The following C2CD5 variants were observed in gnomAD, a reference collection of about 807,000 sequenced individuals.
C2CD5 encodes the protein C2 calcium dependent domain containing 5, also known as C2 domain-containing protein 5.
A neutral mutation model predicts 130.3 loss-of-function variants in C2CD5; 109 were observed. That is an observed-to-expected ratio of 0.84 (90% CI 0.72 to 0.98). The LOEUF (loss-of-function observed/expected upper bound fraction) is 0.98, where lower values mean the gene tolerates loss of function less well. Ranked by LOEUF, C2CD5 falls within the 50% of genes least tolerant of loss-of-function variation. C2CD5 has a pLI of 0.00. For synonymous variants in C2CD5, 454 were observed against 429.2 expected (o/e 1.06, Z -0.71); for missense variants, 996 against 1,261.8 (o/e 0.79, Z 3.19).
intron 2 of C2CD5, 102 bp downstream of exon 2, chr12:22,543,959 C>T: frequency 1.2e-6 from 1 of 840,240 alleles, no homozygotes. Context: ...GAAGGGAGGG[C>T]AGTCGAGGGG....
Position 22,461,860 on chromosome 12 carries a change from C to A in C2CD5, c.2534-2318G>T, listed in dbSNP as rs755732254. Among the ~76,000 whole-genome samples, 31 of 152,190 alleles carry A rather than the reference C, an allele frequency of 2.0e-4. No homozygotes were observed. In the East Asian group the frequency reaches 4.6e-3, roughly 23 times the overall value. ...GATTTTTGATTTCACTTAGGGAGAG[C>A]AGGTTCATCTTTTAACATGCTTGCT... On this transcript the variant is annotated intron_variant, in intron 22 of 26. Transcript: ENST00000446597.
rs779983365 is a variant in C2CD5, at chr12:22,506,770, T to C, written c.1088A>G (p.His363Arg). The change falls in exon 10 of 27, where the codon CAC becomes CGC. Residue 363 changes from histidine to arginine, a missense_variant. Around this residue, in one of 9 missense-constraint regions of C2CD5, gnomAD observed 156 missense variants for 165.9 expected, o/e 0.94. Coordinates refer to ENST00000446597, the MANE Select transcript of C2CD5 (RefSeq NM_001286176.2). Reference sequence around the variant, plus strand: ...ACGTGCACTAACTACACCCCCAACGTGTACAAGGAATCCAGGAGGAAATGC... The same window carrying C: ...ACGTGCACTAACTACACCCCCAACGCGTACAAGGAATCCAGGAGGAAATGC... ...LTAFPPGFLVHVGGVVSARSV... is the reference protein window; with the variant it reads ...LTAFPPGFLVRVGGVVSARSV... The C allele has an allele frequency of 9.3e-6, 15 of 1,612,666 alleles. No homozygotes were observed. In the Admixed American group the frequency reaches 2.5e-4, roughly 27 times the overall value.
intron 4 of C2CD5, among the ~76,000 whole-genome samples, chr12:22,526,837 TA>T: frequency 6.6e-6 from 1 of 152,336 alleles, no homozygotes; most frequent in East Asian, 1.9e-4. Context: ...AATTCATACT[TA>T]TGGTGGAAGA....
chr12:22,472,093 T>C (rs878994072), intron 18 of C2CD5, 28 bp from the exon 19 acceptor site: 1 of 1,226,378 alleles, frequency 8.2e-7, no homozygotes, highest in South Asian at 1.3e-5. Flanking sequence ...TAACATGTCA[T>C]TTTATTATTT....
intron 16 of C2CD5, among the ~76,000 whole-genome samples, chr12:22,474,123 A>T (rs542921438): frequency 4.6e-5 from 7 of 152,208 alleles, no homozygotes; most frequent in Non-Finnish European, 1.0e-4. Context: ...TCTCTCTCTC[A>T]ACTTACATCT....
At chr12:22,487,342 C>G (rs1188222911) in intron 12 of C2CD5, among the ~76,000 whole-genome samples, 2 of 151,330 alleles carry the variant, frequency 1.3e-5, no homozygotes, top group African/African-American at 4.9e-5. Flanking sequence ...CTACAATGAA[C>G]TCAAACAAAT....
chr12:22,500,598 A>G (rs959659177), intron 10 of C2CD5, among the ~76,000 whole-genome samples: 4 of 152,164 alleles, frequency 2.6e-5, no homozygotes, highest in Non-Finnish European at 5.9e-5. Flanking sequence ...TCTATCCTCC[A>G]AGAATATGAG....
chr12:22,512,581 C>T lies in C2CD5; in HGVS notation c.1038+713G>A, dbSNP rs997539539. On this transcript the variant is annotated intron_variant, in intron 9 of 26. Transcript: ENST00000446597. Reference sequence around the variant, plus strand: ...CTAAGATTAAATAAAATTTAAATGACCAAGATTAAAACTAGAAAGCTATCA... The same window carrying T: ...CTAAGATTAAATAAAATTTAAATGATCAAGATTAAAACTAGAAAGCTATCA... 11 of 1,111,974 alleles carry T rather than the reference C, an allele frequency of 9.9e-6. No individual in the cohort carries two copies. The Admixed American group carries it at 1.5e-4, about 15-fold the overall frequency. 68.9% of individuals were successfully genotyped at this position (1,111,974 alleles called of 1,614,324 possible).
intron 1 of C2CD5, 48 bp downstream of exon 1, chr12:22,544,272 G>T: frequency 1.1e-6 from 1 of 871,410 alleles, no homozygotes; most frequent in Non-Finnish European, 1.7e-6. Context: ...AGGAGCGCGC[G>T]GGGGCGCGCG....
At chr12:22,511,946 T>C (rs1187417164) in intron 9 of C2CD5, among the ~76,000 whole-genome samples, 4 of 152,116 alleles carry the variant, frequency 2.6e-5, no homozygotes, top group African/African-American at 4.8e-5. Flanking sequence ...CTAAAAAAAA[T>C]GGTAAGTGGA....
At chr12:22,523,957 TAATATA>T (rs1439360776) in intron 6 of C2CD5, among the ~76,000 whole-genome samples, 1 of 152,016 alleles carries the variant, frequency 6.6e-6, no homozygotes, top group Non-Finnish European at 1.5e-5. Context: ...ATATAACTCT[TAATATA>T]AATGTAAATT....
Position 22,506,811 on chromosome 12 carries a change from T to C in C2CD5, c.1047A>G (p.Pro349=), listed in dbSNP as rs1464761997. 24 of 1,588,436 alleles carry C rather than the reference T, an allele frequency of 1.5e-5. No homozygotes were observed. The highest frequency in any genetic ancestry group is 2.0e-5 in the Non-Finnish European group (23 of 1,156,854). Residue 349 remains proline, a synonymous_variant, in exon 10 of 27, where the codon CCA becomes CCG. Transcript: ENST00000446597. The part of the protein sequence containing the change: ...TQSALEQREF[P]FFTLTAFPPG... Reference sequence around the variant, plus strand: ...GAGGAAATGCCGTCAAGGTAAAAAATGGAAATTCCTAGTGGAAAGAATAAG... The same window carrying C: ...GAGGAAATGCCGTCAAGGTAAAAAACGGAAATTCCTAGTGGAAAGAATAAG...
chr12:22,522,382 T>A (rs1950349992), intron 7 of C2CD5, among the ~76,000 whole-genome samples: 1 of 152,182 alleles, frequency 6.6e-6, no homozygotes, highest in Non-Finnish European at 1.5e-5. Flanking sequence ...CCAAACACTC[T>A]GTGATGACAG....
intron 7 of C2CD5, among the ~76,000 whole-genome samples, chr12:22,519,671 T>C (rs1950093747): frequency 1.3e-5 from 2 of 152,102 alleles, no homozygotes; most frequent in Admixed American, 1.3e-4. Flanking sequence ...AACTGAGATA[T>C]GAATTGCTGA....
At chr12:22,479,946 T>A (rs1944460299) in intron 14 of C2CD5, among the ~76,000 whole-genome samples, 1 of 152,202 alleles carries the variant, frequency 6.6e-6, no homozygotes, top group Non-Finnish European at 1.5e-5. Context: ...TATTATTTTT[T>A]AAATTAATCA....
At chr12:22,477,503 A>T (rs1944012978) in intron 15 of C2CD5, among the ~76,000 whole-genome samples, 1 of 152,156 alleles carries the variant, frequency 6.6e-6, no homozygotes, top group Non-Finnish European at 1.5e-5. Flanking sequence ...ATAATGTTAT[A>T]CTTTCTTTTT....
intron 8 of C2CD5, among the ~76,000 whole-genome samples, chr12:22,515,746 T>C (rs972079333): frequency 1.1e-4 from 16 of 152,020 alleles, no homozygotes; most frequent in Non-Finnish European, 2.4e-4. Flanking sequence ...TCTAAAATGT[T>C]TAATACTTTA....
intron 9 of C2CD5, chr12:22,512,720 G>C (rs1360430669): frequency 3.4e-5 from 48 of 1,399,028 alleles, no homozygotes; most frequent in Non-Finnish European, 4.2e-5. Context: ...AAGAGAGAGA[G>C]AGAAATCATC....
At position 22,472,025 on chromosome 12, in the gene C2CD5, T is replaced by A; in HGVS notation, c.2210A>T (p.Asn737Ile). ...SVRVIRLSSL[N>I]LTNQALNKNF... is the part of the protein sequence containing the mutation. ...CTTATTGAGAGCTTGATTAGTCAGGTTGAGGCTGCTTAATCTGATTACTCT... is the reference window on the plus strand; with the variant it reads ...CTTATTGAGAGCTTGATTAGTCAGGATGAGGCTGCTTAATCTGATTACTCT... Residue 737 changes from asparagine (N) to isoleucine (I), a missense_variant, in exon 19 of 27, where the codon AAC (asparagine) becomes ATC (isoleucine). Physicochemically the swap from Asn to Ile is moderately radical, Grantham distance 149. This residue lies in a region of C2CD5 where 590 missense variants were observed against 631.4 expected (regional missense o/e 0.93). Transcript: ENST00000446597. The A allele has an allele frequency of 6.2e-7, 1 of 1,608,186 alleles. No individual in the cohort carries two copies. The highest frequency in any genetic ancestry group is 8.5e-7 in the Non-Finnish European group (1 of 1,175,886).
Sources: gnomAD v4.1 joint callset for allele counts (sites outside exome capture counted in the v4.1 genomes callset) on GRCh38, gnomAD v4.1.1 for gene constraint, gnomAD v4.1.1 regional missense constraint, MANE v1.5 for transcripts, NCBI Gene and HGNC (gene_info 2026-07-23, HGNC 2026-07-21) for gene names.